The following FTO variants were observed in gnomAD, a reference collection of about 807,000 sequenced individuals.
FTO encodes the protein alpha-ketoglutarate-dependent dioxygenase FTO.
FTO carries 47 observed loss-of-function variants against 63.9 expected under a neutral mutation model. The ratio of observed to expected loss-of-function variants is 0.74; its 90% confidence interval spans 0.58 to 0.94. The LOEUF is 0.94. Ranked by LOEUF, FTO falls within the 40% of genes least tolerant of loss-of-function variation. The pLI, the probability that FTO is intolerant of heterozygous loss-of-function variation, is 0.00. For synonymous variants in FTO, 207 were observed against 224.4 expected, an observed-to-expected ratio of 0.92 and a Z score of 0.69; for missense variants, 562 against 618.1, an observed-to-expected ratio of 0.91 and a Z score of 0.96.
At chr16:53,880,350 A>G (rs986747456) in intron 6 of FTO, among the ~76,000 whole-genome samples, 2 of 152,124 alleles carry the variant, frequency 1.3e-5, no homozygotes, top group East Asian at 1.9e-4. Flanking sequence ...GCAAGCTAAC[A>G]AGTTAATCTG....
rs1223946719 is a variant in FTO, at chr16:54,112,937, T to C, written c.*1022T>C. 6.6e-6 allele frequency: 1 copy of C among 151,982 alleles called. No individual in the cohort carries two copies. Among genetic ancestry groups the C allele is most frequent in the African/African-American group, 2.4e-5 (1 of 41,372 alleles). 9.4% of individuals were successfully genotyped at this position (151,982 alleles called of 1,614,324 possible). A position where few individuals can be genotyped will look rare whatever the true frequency, so the allele number is the denominator to read the frequency against. On this transcript the variant is annotated 3_prime_UTR_variant, in exon 9 of 9. Coordinates refer to ENST00000471389, the MANE Select transcript of FTO (RefSeq NM_001080432.3). Reference sequence around the variant, plus strand: ...GGAGACTCAAAGAGACAAGAGAGAGTAGGGTTTAAAACCTGAGCTTTAAGA... The same window carrying C: ...GGAGACTCAAAGAGACAAGAGAGAGCAGGGTTTAAAACCTGAGCTTTAAGA...
intron 1 of FTO, among the ~76,000 whole-genome samples, chr16:53,775,182 T>C (rs779428474): frequency 6.6e-6 from 1 of 152,112 alleles, no homozygotes; most frequent in Non-Finnish European, 1.5e-5. Flanking sequence ...CCCCAGCATG[T>C]TTAAAATAAA....
chr16:53,924,736 A>G (rs2082097097), intron 7 of FTO, among the ~76,000 whole-genome samples: 1 of 152,170 alleles, frequency 6.6e-6, no homozygotes, highest in Non-Finnish European at 1.5e-5. Flanking sequence ...TTCAGGAAAC[A>G]GGGGAAAGAA....
chr16:53,941,605 G>A (rs1185994070), intron 8 of FTO, among the ~76,000 whole-genome samples: 1 of 152,188 alleles, frequency 6.6e-6, no homozygotes, highest in Non-Finnish European at 1.5e-5. Context: ...CCAACTCTTT[G>A]GGAGGCTGAG....
intron 2 of FTO, among the ~76,000 whole-genome samples, chr16:53,815,279 C>T (rs534430497): frequency 1.1e-4 from 16 of 152,326 alleles, no homozygotes; most frequent in Non-Finnish European, 2.1e-4. Context: ...TCTTCTCTAA[C>T]GGTATCCCCT....
At chr16:53,815,797 C>T (rs574166470) in intron 2 of FTO, among the ~76,000 whole-genome samples, 52 of 151,926 alleles carry the variant, frequency 3.4e-4, no homozygotes, top group Middle Eastern at 3.4e-3. Flanking sequence ...TACAGGCGCG[C>T]GTCACCATGC....
At chr16:53,849,570 A>G (rs1275133496) in intron 4 of FTO, among the ~76,000 whole-genome samples, 2 of 152,238 alleles carry the variant, frequency 1.3e-5, no homozygotes, top group East Asian at 1.9e-4. Context: ...AGAGCCCTGT[A>G]GTAATCAGTC....
At chr16:53,755,093 GCTGA>G (rs1360085048) in intron 1 of FTO, among the ~76,000 whole-genome samples, 4 of 152,318 alleles carry the variant, frequency 2.6e-5, no homozygotes, top group African/African-American at 7.2e-5. Context: ...ATTATGTTTA[GCTGA>G]CTGACTATGA....
chr16:53,776,412 G>A (rs963085146), intron 1 of FTO, among the ~76,000 whole-genome samples: 22 of 152,142 alleles, frequency 1.4e-4, no homozygotes, highest in African/African-American at 5.1e-4. Context: ...GCTTCTTTCT[G>A]CTTTTTGTGT....
intron 1 of FTO, among the ~76,000 whole-genome samples, chr16:53,717,115 A>G (rs1237286481): frequency 6.6e-6 from 1 of 151,930 alleles, no homozygotes; most frequent in African/African-American, 2.4e-5. Context: ...CTTGTACATA[A>G]ATCTCTGCAA....
chr16:53,825,923 C>G lies in FTO; in HGVS notation c.183C>G (p.Leu61=). Residue 61 remains leucine (L), a synonymous_variant, in exon 3 of 9, where the codon CTC becomes CTG. Coordinates refer to ENST00000471389, the MANE Select transcript of FTO (RefSeq NM_001080432.3). The part of the protein sequence containing the change: ...LREASSVSEE[L]HKEVQEAFLT... Reference sequence around the variant, plus strand: ...AAGCCAGCAGTGTATCTGAGGAGCTCCATAAAGAGGTTCAAGAAGCCTTTC... The same window carrying G: ...AAGCCAGCAGTGTATCTGAGGAGCTGCATAAAGAGGTTCAAGAAGCCTTTC... 1 of 1,614,128 alleles carries G rather than the reference C, an allele frequency of 6.2e-7. No individual in the cohort carries two copies. The highest frequency in any genetic ancestry group is 1.3e-5 in the African/African-American group (1 of 75,022).
At chr16:53,769,540 T>C (rs187115215) in intron 1 of FTO, among the ~76,000 whole-genome samples, 2 of 152,282 alleles carry the variant, frequency 1.3e-5, no homozygotes, top group Middle Eastern at 3.4e-3. Context: ...GTGTTAGATA[T>C]CATTTTTATT....
chr16:53,816,548 A>G (rs2078695707), intron 2 of FTO, among the ~76,000 whole-genome samples: 1 of 149,772 alleles, frequency 6.7e-6, no homozygotes, highest in South Asian at 2.1e-4. Flanking sequence ...TCTTCCTGGA[A>G]TAAACCAAGC....
chr16:54,038,744 A>G (rs1444433049), intron 8 of FTO, among the ~76,000 whole-genome samples: 1 of 152,190 alleles, frequency 6.6e-6, no homozygotes, highest in Admixed American at 6.5e-5. Context: ...GCCATGGGAC[A>G]TGCCTGTACC....
At chr16:54,007,483 A>G (rs936607119) in intron 8 of FTO, among the ~76,000 whole-genome samples, 3 of 152,182 alleles carry the variant, frequency 2.0e-5, no homozygotes, top group African/African-American at 7.2e-5. Flanking sequence ...AAATGGAAAT[A>G]TAAGAGTACC....
intron 6 of FTO, among the ~76,000 whole-genome samples, chr16:53,886,472 T>G (rs1432732673): frequency 6.6e-6 from 1 of 152,246 alleles, no homozygotes; most frequent in Non-Finnish European, 1.5e-5. Context: ...GAAGTAAGTA[T>G]GTTGTTAAAC....
Position 53,904,792 on chromosome 16 carries a change from G to C in FTO, c.1239+15841G>C, listed in dbSNP as rs140399260. On this transcript the variant is annotated intron_variant, in intron 7 of 8. Transcript: ENST00000471389. The stretch of plus-strand genomic sequence containing the variant: ...ACCTTCTGATATGATGAGCCTCCTT[G>C]GCCTCTCCTGCTCGCCTCGTTCTTC... Among the ~76,000 whole-genome samples the C allele has an allele frequency of 3.1e-4, 47 of 152,110 alleles. 1 individual carries two copies. The East Asian group carries it at 7.8e-3, about 25-fold the overall frequency.
intron 8 of FTO, among the ~76,000 whole-genome samples, chr16:54,035,203 T>C (rs533672251): frequency 1.3e-5 from 2 of 152,376 alleles, no homozygotes; most frequent in East Asian, 3.9e-4. Flanking sequence ...GTTAAATCAG[T>C]AATTTACAGG....
At chr16:53,846,970 A>G (rs897069506) in intron 4 of FTO, among the ~76,000 whole-genome samples, 4 of 152,126 alleles carry the variant, frequency 2.6e-5, no homozygotes, top group Admixed American at 2.0e-4. Flanking sequence ...GAATATAAAA[A>G]TCAGGTTAAT....
Sources: gnomAD v4.1 joint callset for allele counts (sites outside exome capture counted in the v4.1 genomes callset) on GRCh38, gnomAD v4.1.1 for gene constraint, MANE v1.5 for transcripts, NCBI Gene and HGNC (gene_info 2026-07-23, HGNC 2026-07-21) for gene names.